The following TNRC6B variants were observed in gnomAD, a reference collection of about 807,000 sequenced individuals.
TNRC6B encodes the protein trinucleotide repeat containing adaptor 6B, also known as trinucleotide repeat-containing gene 6B protein.
Under a neutral mutation model 203.6 loss-of-function variants are expected in TNRC6B, and 52 were observed. That is an observed-to-expected ratio of 0.26 (90% CI 0.20 to 0.32). The LOEUF is 0.32. Among genes scored for constraint, TNRC6B ranks in the 10% least tolerant of loss-of-function variants. The probability of loss-of-function intolerance (pLI) is 1.00; values close to 1 mark genes in which losing one functional copy is unlikely to be tolerated. For synonymous variants in TNRC6B, 838 were observed against 845.7 expected, an observed-to-expected ratio of 0.99 and a Z score of 0.16; for missense variants, 1,923 against 2,286.2, an observed-to-expected ratio of 0.84 and a Z score of 3.24.
Position 40,177,965 on chromosome 22 carries a change from T to TGA in TNRC6B, c.-163_-162dup. On this transcript the variant is annotated 5_prime_UTR_variant, in exon 1 of 23. Coordinates refer to ENST00000454349, the MANE Select transcript of TNRC6B (RefSeq NM_001162501.2). The stretch of plus-strand genomic sequence containing the variant: ...GAGAGAGAGCAAGAGGGAGAGTGTG[T>TGA]GAGAGAGAGTTAGTTCAAGCCAAAA... 6.9e-7 allele frequency: 1 copy of TGA among 1,452,910 alleles called. No individual in the cohort carries two copies. Among genetic ancestry groups the TGA allele is most frequent in the Non-Finnish European group, 9.0e-7 (1 of 1,109,588 alleles). The allele number at this position is 1,452,910 out of a possible 1,614,324, so 90.0% of individuals were successfully genotyped here.
chr22:40,299,170 A>C (rs372388826), intron 12 of TNRC6B, among the ~76,000 whole-genome samples: 3,389 of 151,674 alleles, frequency 0.022, 50 homozygotes, highest in African/African-American at 0.043. Flanking sequence ...AAAAAAAAAA[A>C]AAAACAAAAC....
chr22:40,109,590 T>A (rs1199756215), intron 1 of TNRC6B, among the ~76,000 whole-genome samples: 1 of 152,232 alleles, frequency 6.6e-6, no homozygotes, highest in Non-Finnish European at 1.5e-5. Context: ...ACTTCTGATG[T>A]TTCATAGTTA....
chr22:40,294,073 C>CAAAAAAA (rs11354611), intron 12 of TNRC6B, among the ~76,000 whole-genome samples: 174 of 80,010 alleles, frequency 2.2e-3, no homozygotes, highest in East Asian at 5.0e-3. Flanking sequence ...CCCATCTCTA[C>CAAAAAAA]AAAAAAAAAA....
intron 1 of TNRC6B, among the ~76,000 whole-genome samples, chr22:40,206,953 C>T (rs1221544019): frequency 6.6e-6 from 1 of 152,144 alleles, no homozygotes; most frequent in Non-Finnish European, 1.5e-5. Flanking sequence ...CGTTTATTCT[C>T]TCACAGTTCT....
chr22:40,125,887 G>A (rs1296730908), intron 3 of TNRC6B: 1 of 1,606,346 alleles, frequency 6.2e-7, no homozygotes, highest in African/African-American at 1.3e-5. Flanking sequence ...GAAAGGTACA[G>A]TTTGGGTAGA....
chr22:40,201,487 G>A (rs749751617), intron 1 of TNRC6B, among the ~76,000 whole-genome samples: 3 of 151,296 alleles, frequency 2.0e-5, no homozygotes, highest in Non-Finnish European at 4.4e-5. Context: ...CCAGGCTGTA[G>A]TGCAGTGGCA....
chr22:40,266,017 C>T lies in TNRC6B; in HGVS notation c.1787C>T (p.Thr596Ile). Reference sequence around the variant, plus strand: ...TCTGGCCGTCGGTCGTACAGGCCCACACATCCTGATTGTCAGGCTGTCTTG... The same window carrying T: ...TCTGGCCGTCGGTCGTACAGGCCCATACATCCTGATTGTCAGGCTGTCTTG... ...HNSGRRSYRP[T>I]HPDCQAVLQT... Residue 596 changes from threonine to isoleucine, a missense_variant, in exon 5 of 23, where the codon ACA becomes ATA. Coordinates refer to ENST00000454349, the MANE Select transcript of TNRC6B (RefSeq NM_001162501.2). 1 of 1,613,804 alleles carries T rather than the reference C, an allele frequency of 6.2e-7. No homozygotes were observed. Among genetic ancestry groups the T allele is most frequent in the Non-Finnish European group, 8.5e-7 (1 of 1,179,898 alleles).
chr22:40,237,807 A>G (rs1471124229), intron 1 of TNRC6B, among the ~76,000 whole-genome samples: 1 of 148,916 alleles, frequency 6.7e-6, no homozygotes, highest in Non-Finnish European at 1.5e-5. Context: ...CCCTCTTCCC[A>G]TCTCTTCCCT....
rs1325940642 is a variant in TNRC6B, at chr22:40,241,517, C to G, written c.6-4498C>G. 2.0e-5 allele frequency among the ~76,000 whole-genome samples: 3 copies of G among 152,176 alleles called. No individual in the cohort carries two copies. In the East Asian group the frequency reaches 5.8e-4, roughly 29 times the overall value. On this transcript the variant is annotated intron_variant, in intron 1 of 22. Transcript: ENST00000454349. Reference sequence around the variant, plus strand: ...CAGGCCAGTATATTTTGTAGAATGCCTCTGAATGTGGAGTTGTCTGATGGT... The same window carrying G: ...CAGGCCAGTATATTTTGTAGAATGCGTCTGAATGTGGAGTTGTCTGATGGT...
At chr22:40,073,834 G>A (rs1322686839) in intron 1 of TNRC6B, among the ~76,000 whole-genome samples, 1 of 152,136 alleles carries the variant, frequency 6.6e-6, no homozygotes, top group Non-Finnish European at 1.5e-5. Flanking sequence ...GAGGTGGGCA[G>A]ATCACCTGAT....
In TNRC6B at chr22:40,216,318, C is replaced by T. The variant is rs575088446; in HGVS notation, c.6-29697C>T. 6.6e-5 allele frequency among the ~76,000 whole-genome samples: 10 copies of T among 152,258 alleles called. 2 individuals carry two copies. In the South Asian group the frequency reaches 2.1e-3, roughly 32 times the overall value. ...TTTCCCTTATGGCACCCACAGTCTC[C>T]GTGAGCATTTGTATGTGCTACTCTC... On this transcript the variant is annotated intron_variant, in intron 1 of 22. Transcript: ENST00000454349.
intron 3 of TNRC6B, among the ~76,000 whole-genome samples, chr22:40,128,299 A>C (rs1299197059): frequency 6.6e-6 from 1 of 152,136 alleles, no homozygotes; most frequent in African/African-American, 2.4e-5. Flanking sequence ...TAAATCAATC[A>C]ATCAATAAAA....
At chr22:40,290,877 C>T (rs897776111) in intron 12 of TNRC6B, among the ~76,000 whole-genome samples, 1 of 152,144 alleles carries the variant, frequency 6.6e-6, no homozygotes, top group African/African-American at 2.4e-5. Context: ...GGGAAAGTTG[C>T]AGTTAACTTT....
chr22:40,266,554 G>C lies in TNRC6B; in HGVS notation c.2324G>C (p.Gly775Ala), dbSNP rs2070483130. 6.2e-7 allele frequency: 1 copy of C among 1,613,682 alleles called. No individual in the cohort carries two copies. The highest frequency in any genetic ancestry group is 1.3e-5 in the African/African-American group (1 of 74,906). ...AAACCTGTGTCTGGGTGGGGTGAAGGAGGGCAGAATGAAATCGGGACTTGG... is the reference window on the plus strand; with the variant it reads ...AAACCTGTGTCTGGGTGGGGTGAAGCAGGGCAGAATGAAATCGGGACTTGG... ...ASKPVSGWGEGGQNEIGTWGN... is the reference protein window; with the variant it reads ...ASKPVSGWGEAGQNEIGTWGN... Residue 775 changes from glycine to alanine, a missense_variant, in exon 5 of 23, where the codon GGA becomes GCA. Physicochemically the swap from Gly to Ala is moderately conservative, Grantham distance 60 (BLOSUM62 0). Around this residue, in one of 8 missense-constraint regions of TNRC6B, gnomAD observed 599 missense variants for 656.5 expected, o/e 0.91. Transcript: ENST00000454349.
intron 1 of TNRC6B, among the ~76,000 whole-genome samples, chr22:40,102,805 G>T (rs556662554): frequency 6.6e-6 from 1 of 151,952 alleles, no homozygotes; most frequent in African/African-American, 2.4e-5. Flanking sequence ...TTGACTGCGC[G>T]TGGTGGCTCA....
At chr22:40,191,976 C>T (rs1437887821) in intron 1 of TNRC6B, among the ~76,000 whole-genome samples, 1 of 152,176 alleles carries the variant, frequency 6.6e-6, no homozygotes, top group East Asian at 1.9e-4. Context: ...GTCTCAAACT[C>T]CTGACCTCAA....
intron 15 of TNRC6B, 58 bp from the exon 16 acceptor site, chr22:40,308,454 T>A: frequency 6.2e-7 from 1 of 1,604,694 alleles, no homozygotes; most frequent in Non-Finnish European, 8.5e-7. Flanking sequence ...TGGACTCTGC[T>A]TCAGAACTCT....
intron 3 of TNRC6B, among the ~76,000 whole-genome samples, chr22:40,134,972 G>T (rs2068586565): frequency 6.6e-6 from 1 of 152,206 alleles, no homozygotes; most frequent in South Asian, 2.1e-4. Flanking sequence ...GTATTGGCTG[G>T]AGTTACAGTC....
intron 12 of TNRC6B, among the ~76,000 whole-genome samples, chr22:40,293,189 T>C (rs1053045316): frequency 7.4e-6 from 1 of 134,632 alleles, no homozygotes; most frequent in African/African-American, 2.6e-5. Context: ...AATATCCTTT[T>C]CTTTTTTTTT....
Sources: allele counts gnomAD v4.1 joint callset (sites outside exome capture counted in the v4.1 genomes callset), GRCh38; gene constraint gnomAD v4.1.1; regional missense constraint gnomAD v4.1.1; transcripts MANE v1.5; gene names NCBI Gene and HGNC (gene_info 2026-07-23, HGNC 2026-07-21).